Variants in DLGAP1 observed in about 807,000 individuals in gnomAD.
DLGAP1 encodes the protein DLG associated protein 1.
DLGAP1 carries 11 observed loss-of-function variants against 90.8 expected under a neutral mutation model. The observed-to-expected ratio is 0.12, with a 90% CI of 0.08 to 0.20. The LOEUF is 0.20. DLGAP1 is among the 10% of genes least tolerant of loss of function. The probability of loss-of-function intolerance (pLI) is 1.00; values close to 1 mark genes in which losing one functional copy is unlikely to be tolerated. For missense variants in DLGAP1, 1,050 were observed against 1,333.8 expected, an observed-to-expected ratio of 0.79 and a Z score of 3.31; for synonymous variants, 558 against 540.7, an observed-to-expected ratio of 1.03 and a Z score of -0.44.
At chr18:3,619,772 T>C (rs1439017541) in intron 7 of DLGAP1, among the ~76,000 whole-genome samples, 1 of 137,646 alleles carries the variant, frequency 7.3e-6, no homozygotes, top group Admixed American at 8.0e-5. Context: ...GTGGGAGATA[T>C]GGGATGGAAG....
intron 3 of DLGAP1, among the ~76,000 whole-genome samples, chr18:3,972,435 T>C (rs2149007420): frequency 6.6e-6 from 1 of 152,306 alleles, no homozygotes; most frequent in Non-Finnish European, 1.5e-5. Context: ...TTCTGTCTTT[T>C]CTGTCTTCAG....
At chr18:4,340,940 T>C (rs1297509010) in intron 1 of DLGAP1, among the ~76,000 whole-genome samples, 1 of 142,920 alleles carries the variant, frequency 7.0e-6, no homozygotes, top group East Asian at 1.9e-4. Flanking sequence ...ACAAAAATTA[T>C]ATAAGGAAAA....
At chr18:3,978,000 C>T in intron 3 of DLGAP1, 1 of 371,448 alleles carries the variant, frequency 2.7e-6, no homozygotes, top group Non-Finnish European at 5.3e-6. Context: ...TTGGTAGCAC[C>T]AGTAGATGCA....
At position 3,772,402 on chromosome 18, in the gene DLGAP1, TTCTTTC is replaced by T. The variant is rs1216409167; in HGVS notation, c.1173-29896_1173-29891del. On this transcript the variant is annotated intron_variant, in intron 5 of 12. Coordinates refer to ENST00000315677, the MANE Select transcript of DLGAP1 (RefSeq NM_004746.4). The stretch of plus-strand genomic sequence containing the variant: ...TTTCTTTCTTTCTTTCTTTCTTTCT[TTCTTTC>T]TCTTTCTTTCTTTCCTTCCTTCCTC... Among the ~76,000 whole-genome samples the T allele has an allele frequency of 1.5e-3, 55 of 36,670 alleles. 3 individuals carry two copies. Among genetic ancestry groups the T allele is most frequent in the Non-Finnish European group, 2.4e-3 (36 of 14,956 alleles). The allele number at this position is 36,670 out of a possible 152,430, so 24.1% of individuals were successfully genotyped here. A position where few individuals can be genotyped will look rare whatever the true frequency, so the allele number is the denominator to read the frequency against.
At chr18:4,129,699 C>T (rs2076285358) in intron 2 of DLGAP1, among the ~76,000 whole-genome samples, 1 of 152,116 alleles carries the variant, frequency 6.6e-6, no homozygotes, top group Admixed American at 6.6e-5. Context: ...CCTACCCACG[C>T]CAATTTAGTA....
intron 7 of DLGAP1, among the ~76,000 whole-genome samples, chr18:3,682,743 T>C (rs928683349): frequency 6.6e-6 from 1 of 152,186 alleles, no homozygotes; most frequent in African/African-American, 2.4e-5. Context: ...GGCACTGGCC[T>C]CTAACTGGGT....
chr18:3,895,734 A>G (rs2071606689), intron 3 of DLGAP1: 1 of 152,302 alleles, frequency 6.6e-6, no homozygotes, highest in African/African-American at 2.4e-5. Context: ...GCAGTTAATG[A>G]AGACTGCTAA....
intron 1 of DLGAP1, among the ~76,000 whole-genome samples, chr18:4,278,662 GTA>G (rs1490317749): frequency 6.6e-6 from 1 of 152,016 alleles, no homozygotes; most frequent in Non-Finnish European, 1.5e-5. Flanking sequence ...GTGTGTATGT[GTA>G]TGTGTGTGTG....
At position 3,674,463 on chromosome 18, in the gene DLGAP1, T is replaced by TA. The variant is rs1324781772; in HGVS notation, c.1591+54671dup. The stretch of plus-strand genomic sequence containing the variant: ...ATGAGCTCCTATCTCTACAAAAAAA[T>TA]AAAAAAATCAGCTGGGCGCACTGGT... On this transcript the variant is annotated intron_variant, in intron 7 of 12. Transcript: ENST00000315677. Among the ~76,000 whole-genome samples the TA allele has an allele frequency of 2.7e-5, 4 of 150,546 alleles. No individual in the cohort carries two copies. In the South Asian group the frequency reaches 6.3e-4, roughly 24 times the overall value.
chr18:3,877,718 C>T (rs1268674500), intron 4 of DLGAP1, among the ~76,000 whole-genome samples: 13 of 152,198 alleles, frequency 8.5e-5, no homozygotes, highest in South Asian at 2.1e-4. Flanking sequence ...CACATGCTAA[C>T]GGTTTAACCC....
At chr18:4,451,966 T>C (rs1016414154) in intron 1 of DLGAP1, among the ~76,000 whole-genome samples, 2 of 152,174 alleles carry the variant, frequency 1.3e-5, no homozygotes, top group Admixed American at 6.5e-5. Flanking sequence ...AGCCTTCTTA[T>C]TTCAATGGTG....
chr18:3,907,209 TA>T (rs1210892092), intron 3 of DLGAP1, among the ~76,000 whole-genome samples: 2 of 152,208 alleles, frequency 1.3e-5, no homozygotes, highest in African/African-American at 4.8e-5. Context: ...TACTTCCTGA[TA>T]CAGTATTAGG....
chr18:4,115,477 C>CTTTCTTT lies in DLGAP1; in HGVS notation c.-159+35702_-159+35703insAAAGAAA, dbSNP rs2076046047. 9.6e-5 allele frequency among the ~76,000 whole-genome samples: 14 copies of CTTTCTTT among 145,480 alleles called. No individual in the cohort carries two copies. The South Asian group carries it at 1.1e-3, about 11-fold the overall frequency. ...AACTACCATCTAGTGTCATTTTCTT[C>CTTTCTTT]CTTTCTTTCTTTCTTTCTTTTTTTT... On this transcript the variant is annotated intron_variant, in intron 2 of 12. Transcript: ENST00000315677.
intron 1 of DLGAP1, among the ~76,000 whole-genome samples, chr18:4,428,349 G>A (rs530035086): frequency 6.6e-6 from 1 of 152,328 alleles, no homozygotes; most frequent in South Asian, 2.1e-4. Context: ...GGGAGGCCAA[G>A]GCGGACGGAT....
intron 3 of DLGAP1, among the ~76,000 whole-genome samples, chr18:3,971,587 A>G (rs2073450928): frequency 1.3e-5 from 2 of 152,172 alleles, no homozygotes; most frequent in Admixed American, 1.3e-4. Flanking sequence ...TGCACCCCCA[A>G]GTGTTTGCAG....
intron 7 of DLGAP1, among the ~76,000 whole-genome samples, chr18:3,629,479 G>C (rs1434152257): frequency 6.6e-6 from 1 of 152,046 alleles, no homozygotes; most frequent in Non-Finnish European, 1.5e-5. Context: ...AGACCATCCT[G>C]GCTAACACGC....
intron 2 of DLGAP1, among the ~76,000 whole-genome samples, chr18:4,068,640 A>G (rs2075403912): frequency 6.6e-6 from 1 of 152,202 alleles, no homozygotes; most frequent in South Asian, 2.1e-4. Flanking sequence ...TGTAGTGACT[A>G]TGTAATACCT....
chr18:4,110,218 C>T (rs2075949112), intron 2 of DLGAP1, among the ~76,000 whole-genome samples: 1 of 152,138 alleles, frequency 6.6e-6, no homozygotes, highest in Admixed American at 6.5e-5. Context: ...CAGCATGTGA[C>T]TGTACTAGAT....
intron 1 of DLGAP1, among the ~76,000 whole-genome samples, chr18:4,374,339 C>A (rs988877665): frequency 3.3e-5 from 5 of 151,944 alleles, no homozygotes; most frequent in African/African-American, 9.7e-5. Context: ...AAGAAACATA[C>A]CAACATTTTT....
Sources: allele counts gnomAD v4.1 joint callset (sites outside exome capture counted in the v4.1 genomes callset), GRCh38; gene constraint gnomAD v4.1.1; transcripts MANE v1.5; gene names NCBI Gene and HGNC (gene_info 2026-07-23, HGNC 2026-07-21).